The following UBR4 variants were observed in gnomAD, a reference collection of about 807,000 sequenced individuals.
The protein encoded by UBR4 is E3 ubiquitin-protein ligase UBR4.
A neutral mutation model predicts 575.6 loss-of-function variants in UBR4; 124 were observed. That is an observed-to-expected ratio of 0.22 (90% confidence interval 0.19 to 0.25). The LOEUF (loss-of-function observed/expected upper bound fraction) is 0.25. UBR4 is among the 10% of genes least tolerant of loss of function. The probability of loss-of-function intolerance (pLI) is 1.00; values close to 1 mark genes in which losing one functional copy is unlikely to be tolerated. For missense variants in UBR4, 4,818 were observed against 6,478.8 expected, an observed-to-expected ratio of 0.74 and a Z score of 8.80; for synonymous variants, 2,455 against 2,473.7, an observed-to-expected ratio of 0.99 and a Z score of 0.22.
intron 20 of UBR4, 22 bp from the exon 21 acceptor site, chr1:19,175,055 A>G: frequency 6.3e-7 from 1 of 1,599,370 alleles, no homozygotes. Context: ...TATGCTGATT[A>G]AAAGAATGGT....
intron 78 of UBR4, 70 bp downstream of exon 78, chr1:19,112,454 T>C: frequency 2.6e-6 from 4 of 1,523,826 alleles, no homozygotes; most frequent in Non-Finnish European, 1.8e-6. Context: ...GTGCACTCTC[T>C]AACGCTCCTG....
At position 19,162,491 on chromosome 1, in the gene UBR4, C is replaced by G. The variant is rs761144022; in HGVS notation, c.4885G>C (p.Ala1629Pro). ...ACCCAGTCTGAGTCTACTTCAATGG[C>G]CCGCTCTTCCCCATCCACTGAGAGA... is the stretch of plus-strand genomic sequence containing the variant. ...SHLSVDGEER[A>P]IEVDSDWVEE... The change falls in exon 35 of 106, where the codon GCC (alanine) becomes CCC (proline). Residue 1629 changes from alanine (A) to proline (P), a missense_variant. By Grantham distance (27) the Ala-to-Pro change is conservative (BLOSUM62 -1). Coordinates refer to ENST00000375254, the MANE Select transcript of UBR4 (RefSeq NM_020765.3). 1 of 1,614,064 alleles carries G rather than the reference C, an allele frequency of 6.2e-7. No homozygotes were observed. Among genetic ancestry groups the G allele is most frequent in the Non-Finnish European group, 8.5e-7 (1 of 1,179,946 alleles).
chr1:19,134,959 GTTT>G (rs142748824), intron 60 of UBR4, among the ~76,000 whole-genome samples: 7 of 151,214 alleles, frequency 4.6e-5, no homozygotes, highest in African/African-American at 1.7e-4. Context: ...CAGTTTATAG[GTTT>G]TTTTTTCCTT....
chr1:19,107,378 G>A (rs1212889079), intron 81 of UBR4, among the ~76,000 whole-genome samples: 2 of 152,140 alleles, frequency 1.3e-5, no homozygotes, highest in African/African-American at 2.4e-5. Context: ...CCAGTCCAGC[G>A]TGTCTCAAGC....
chr1:19,105,114 A>C lies in UBR4; in HGVS notation c.12579T>G (p.Ser4193=). The change falls in exon 85 of 106, where the codon TCT becomes TCG. Residue 4193 remains serine, a synonymous_variant. Coordinates refer to ENST00000375254, the MANE Select transcript of UBR4 (RefSeq NM_020765.3). ...CTGCCAAGTAGACTTTCCAGTGCGC[A>C]GAAGTGATGAGCTTCTGGTAGAGAG... ...YLALYQKLIT[S]AHWKVYLAAR... 1.9e-6 allele frequency: 3 copies of C among 1,614,154 alleles called. No homozygotes were observed. The highest frequency in any genetic ancestry group is 1.3e-5 in the African/African-American group (1 of 75,040).
intron 88 of UBR4, among the ~76,000 whole-genome samples, chr1:19,101,264 C>T (rs1446347803): frequency 6.6e-6 from 1 of 152,152 alleles, no homozygotes; most frequent in Non-Finnish European, 1.5e-5. Flanking sequence ...GAGGTTAGAC[C>T]TAGTTTTTAA....
intron 17 of UBR4, among the ~76,000 whole-genome samples, chr1:19,182,466 C>T (rs1450571338): frequency 6.6e-6 from 1 of 152,058 alleles, no homozygotes; most frequent in African/African-American, 2.4e-5. Context: ...GATCCTCTTG[C>T]CTCGCCTCCC....
intron 1 of UBR4, among the ~76,000 whole-genome samples, chr1:19,202,189 T>C (rs946480001): frequency 3.9e-5 from 6 of 152,120 alleles, no homozygotes; most frequent in Non-Finnish European, 5.9e-5. Flanking sequence ...CAAGACTTCA[T>C]CTCAAAAAAA....
At position 19,186,616 on chromosome 1, in the gene UBR4, G is replaced by A. The variant is rs766117447; in HGVS notation, c.1674C>T (p.Ser558=). The A allele has an allele frequency of 1.7e-5, 27 of 1,613,986 alleles. No individual in the cohort carries two copies. The highest frequency in any genetic ancestry group is 1.1e-4 in the East Asian group (5 of 44,890). Residue 558 remains serine, a synonymous_variant, in exon 14 of 106, where the codon AGC becomes AGT. Coordinates refer to ENST00000375254, the MANE Select transcript of UBR4 (RefSeq NM_020765.3). ...LQRQRKGSMS[S]DASASTDSNT... ...TGGAGTCGGTGGAGGCGCTGGCATC[G>A]CTGCTCATGGAGCCCTTCCTCTGCC... is the stretch of plus-strand genomic sequence containing the variant.
Position 19,141,392 on chromosome 1 carries a change from T to C in UBR4, c.8443A>G (p.Met2815Val). 6.2e-7 allele frequency: 1 copy of C among 1,614,158 alleles called. No homozygotes were observed. The highest frequency in any genetic ancestry group is 8.5e-7 in the Non-Finnish European group (1 of 1,180,012). The change falls in exon 57 of 106, where the codon ATG (methionine) becomes GTG (valine). Residue 2815 changes from methionine to valine, a missense_variant. By Grantham distance (21) the Met-to-Val change is conservative (BLOSUM62 1). Coordinates refer to ENST00000375254, the MANE Select transcript of UBR4 (RefSeq NM_020765.3). ...DIPPDADDET[M>V]VELAIALSLQ... ...CTCAGGGCAATGGCTAGTTCAACCA[T>C]GGTCTCGTCATCTGCATCAGGTGGG...
chr1:19,078,346 G>A (rs937783765), intron 103 of UBR4: 6 of 342,430 alleles, frequency 1.8e-5, no homozygotes, highest in South Asian at 1.1e-4. Context: ...GGGAGACATC[G>A]CCAGGGCAGA....
At chr1:19,198,095 C>G (rs370441381) in intron 5 of UBR4, 46 bp from the exon 6 acceptor site, 21 of 1,575,962 alleles carry the variant, frequency 1.3e-5, no homozygotes, top group Non-Finnish European at 1.8e-5. Flanking sequence ...ATCTCTTCAC[C>G]AAACCAACTG....
Position 19,139,672 on chromosome 1 carries a change from A to G in UBR4, c.8594-452T>C, listed in dbSNP as rs1324485198. On this transcript the variant is annotated intron_variant, in intron 58 of 105. Coordinates refer to ENST00000375254, the MANE Select transcript of UBR4 (RefSeq NM_020765.3). This position sits in a 1 kb window ranked among gnomAD's most constrained non-coding sequence, Gnocchi z 4.2. ...GCATAGAACTCTGAATTTTAATGAG[A>G]CTTGTTTTGAAATCAGTCAAGTTTT... Among the ~76,000 whole-genome samples, 2 of 152,176 alleles carry G rather than the reference A, an allele frequency of 1.3e-5. No homozygotes were observed. The highest frequency in any genetic ancestry group is 2.9e-5 in the Non-Finnish European group (2 of 68,032).
chr1:19,149,854 C>T (rs376518906), intron 49 of UBR4: 20 of 1,263,440 alleles, frequency 1.6e-5, no homozygotes, highest in South Asian at 3.9e-5. Context: ...CAGAGAAACC[C>T]GGAAACACAT....
chr1:19,104,123 G>C lies in UBR4; in HGVS notation c.12862C>G (p.Gln4288Glu). ...VQRTKLIDET[Q>E]DMLLEMLEDM... The stretch of plus-strand genomic sequence containing the variant: ...TCCAGCATCTCCAGCAGCATGTCCT[G>C]CGTCTCATCGATCAGCTTGGTCCTC... Residue 4288 changes from glutamine to glutamate, a missense_variant, in exon 87 of 106, where the codon CAG becomes GAG. Coordinates refer to ENST00000375254, the MANE Select transcript of UBR4 (RefSeq NM_020765.3). 1.2e-6 allele frequency: 2 copies of C among 1,614,218 alleles called. No homozygotes were observed. Among genetic ancestry groups the C allele is most frequent in the Non-Finnish European group, 8.5e-7 (1 of 1,180,034 alleles).
rs745795946 is a variant in UBR4 at position 19,183,999 on chromosome 1, A to T, written c.2098+17T>A. ...ATGAGAAAAAAAATCCATCAGGCAC[A>T]TATCTTGTCTACTGACCCTTGAGTC... On this transcript the variant is annotated intron_variant, in intron 16 of 105. Coordinates refer to ENST00000375254, the MANE Select transcript of UBR4 (RefSeq NM_020765.3). 2 of 1,614,102 alleles carry T rather than the reference A, an allele frequency of 1.2e-6. No homozygotes were observed. Among genetic ancestry groups the T allele is most frequent in the Admixed American group, 1.7e-5 (1 of 60,020 alleles).
rs528266448 is a variant in UBR4 at position 19,115,540 on chromosome 1, T to A, written c.10921A>T (p.Met3641Leu). 1.9e-6 allele frequency: 3 copies of A among 1,614,126 alleles called. No individual in the cohort carries two copies. The Admixed American group carries it at 5.0e-5, about 27-fold the overall frequency. ...TCATAGAAGTCTGCAAACTCAATCA[T>A]CAGATTGGAGGCCACAATGGGCAAC... ...LPLPIVASNL[M>L]IEFADFYENY... The change falls in exon 74 of 106, where the codon ATG (methionine) becomes TTG (leucine). Residue 3641 changes from methionine (M) to leucine (L), a missense_variant. Physicochemically the swap from Met to Leu is conservative, Grantham distance 15. Transcript: ENST00000375254.
chr1:19,100,692 A>T lies in UBR4; in HGVS notation c.13024-119T>A. 5.4e-6 allele frequency: 5 copies of T among 923,344 alleles called. No individual in the cohort carries two copies. The highest frequency in any genetic ancestry group is 8.2e-6 in the Non-Finnish European group (5 of 608,204). The allele number at this position is 923,344 out of a possible 1,614,324, so 57.2% of individuals were successfully genotyped here. A position where few individuals can be genotyped will look rare whatever the true frequency, so the allele number is the denominator to read the frequency against. ...ACCAAACTCAGCAAGCCCCCCAAAC[A>T]TTTAAAGATACAAAGGACAGGAAAC... On this transcript the variant is annotated intron_variant, in intron 88 of 105. Coordinates refer to ENST00000375254, the MANE Select transcript of UBR4 (RefSeq NM_020765.3). The surrounding 1 kb of genome is among the most constrained non-coding windows in gnomAD (Gnocchi z 4.2).
intron 81 of UBR4, among the ~76,000 whole-genome samples, chr1:19,107,840 T>C (rs1011134007): frequency 3.3e-5 from 5 of 152,132 alleles, no homozygotes; most frequent in Non-Finnish European, 5.9e-5. Flanking sequence ...TGTTAATTCA[T>C]TGAAAAAGAA....
Sources: gnomAD v4.1 joint callset for allele counts (sites outside exome capture counted in the v4.1 genomes callset) on GRCh38, gnomAD v4.1.1 for gene constraint, Gnocchi (gnomAD v3.1) non-coding constraint, MANE v1.5 for transcripts, NCBI Gene and HGNC (gene_info 2026-07-23, HGNC 2026-07-21) for gene names.